Variants in ASIC2 observed in about 807,000 individuals in gnomAD.
ASIC2 encodes the protein acid sensing ion channel subunit 2.
ASIC2 carries 25 observed loss-of-function variants against 57.3 expected under a neutral mutation model. The observed-to-expected ratio is 0.44, with a 90% CI of 0.32 to 0.61. The LOEUF is 0.61. ASIC2 is among the 20% of genes least tolerant of loss of function. The pLI is 0.06. For missense variants in ASIC2, 641 were observed against 738.1 expected (o/e 0.87, Z 1.52); for synonymous variants, 319 against 307.5 (o/e 1.04, Z -0.39).
At chr17:33,420,099 C>A (rs75678463) in intron 1 of ASIC2, among the ~76,000 whole-genome samples, 13 of 152,104 alleles carry the variant, frequency 8.5e-5, no homozygotes, top group Middle Eastern at 3.2e-3. Context: ...TCATAAGCTG[C>A]GCTATATTTC....
At chr17:33,810,532 C>G (rs1223641283) in intron 1 of ASIC2, among the ~76,000 whole-genome samples, 1 of 152,148 alleles carries the variant, frequency 6.6e-6, no homozygotes, top group East Asian at 1.9e-4. Context: ...ATCTGCCCAT[C>G]TCCCTTCTCT....
At chr17:34,142,556 G>T (rs889012252) in intron 1 of ASIC2, among the ~76,000 whole-genome samples, 1 of 152,136 alleles carries the variant, frequency 6.6e-6, no homozygotes, top group East Asian at 1.9e-4. Flanking sequence ...TACAATTGTA[G>T]TGTATAATCA....
At chr17:33,457,191 G>A (rs1912479358) in intron 1 of ASIC2, among the ~76,000 whole-genome samples, 1 of 151,760 alleles carries the variant, frequency 6.6e-6, no homozygotes, top group South Asian at 2.1e-4. Flanking sequence ...CTATTTTTAG[G>A]TGTTCAATAA....
chr17:33,167,779 C>A lies in ASIC2; in HGVS notation c.709-55712G>T, dbSNP rs187813273. ...TCTACCCCATTTGACAATCCCAATC[C>A]CAAGACGTGCCTTCCTCTGCCTCTA... On this transcript the variant is annotated intron_variant, in intron 1 of 9. Transcript: ENST00000225823. 2.0e-5 allele frequency among the ~76,000 whole-genome samples: 3 copies of A among 146,658 alleles called. No homozygotes were observed. The East Asian group carries it at 5.8e-4, about 28-fold the overall frequency.
At chr17:34,106,387 A>G (rs796749342) in intron 1 of ASIC2, among the ~76,000 whole-genome samples, 2 of 152,138 alleles carry the variant, frequency 1.3e-5, no homozygotes, top group African/African-American at 4.8e-5. Flanking sequence ...GATTATTTTT[A>G]CCCATTTTTA....
chr17:33,207,224 C>T (rs1010936229), intron 1 of ASIC2, among the ~76,000 whole-genome samples: 3 of 152,168 alleles, frequency 2.0e-5, no homozygotes, highest in African/African-American at 2.4e-5. Context: ...TGGTGAACGG[C>T]GCTTTATCCT....
chr17:33,961,564 C>G (rs1337735231), intron 1 of ASIC2, among the ~76,000 whole-genome samples: 1 of 152,158 alleles, frequency 6.6e-6, no homozygotes, highest in Non-Finnish European at 1.5e-5. Flanking sequence ...CTCACAGGGG[C>G]AGCCAAAGAG....
intron 1 of ASIC2, among the ~76,000 whole-genome samples, chr17:33,251,045 G>A (rs1174433074): frequency 2.6e-5 from 4 of 152,178 alleles, no homozygotes; most frequent in Admixed American, 1.3e-4. Context: ...CAAATTCGCT[G>A]CATAGTTATA....
intron 1 of ASIC2, among the ~76,000 whole-genome samples, chr17:33,164,576 G>GCACA (rs35380225): frequency 0.023 from 3,423 of 149,828 alleles, 57 homozygotes; most frequent in African/African-American, 0.053. Context: ...GCACATGCAC[G>GCACA]CACACACACA....
intron 1 of ASIC2, among the ~76,000 whole-genome samples, chr17:33,201,870 A>G (rs1906876667): frequency 6.6e-6 from 1 of 152,050 alleles, no homozygotes; most frequent in Non-Finnish European, 1.5e-5. Context: ...TCTTTGAAAA[A>G]TTATAAAAAC....
intron 1 of ASIC2, among the ~76,000 whole-genome samples, chr17:34,130,865 G>T (rs200460155): frequency 6.6e-6 from 1 of 152,148 alleles, no homozygotes; most frequent in African/African-American, 2.4e-5. Flanking sequence ...ATTATTATAC[G>T]GCCACTCTGA....
chr17:33,575,078 G>A (rs1298237692), intron 1 of ASIC2, among the ~76,000 whole-genome samples: 41 of 152,178 alleles, frequency 2.7e-4, no homozygotes, highest in Non-Finnish European at 7.4e-5. Context: ...TATGACCAAC[G>A]CCTGGCCTCC....
In ASIC2 at chr17:33,605,268, G is replaced by A. The variant is rs556953415; in HGVS notation, c.556-493201C>T. On this transcript the variant is annotated intron_variant, in intron 1 of 9. Coordinates refer to the ASIC2 transcript ENST00000359872. ...AGAAGCGGGTCTCTGCTGCAGCGGG[G>A]AGCCCAGGAAGGAAGACCCGTCTCA... Among the ~76,000 whole-genome samples the A allele has an allele frequency of 1.4e-4, 22 of 152,362 alleles. No homozygotes were observed. In the East Asian group the frequency reaches 3.7e-3, roughly 25 times the overall value.
In ASIC2 at chr17:33,076,487, T is replaced by A. The variant is rs115764612; in HGVS notation, c.987+12376A>T. Among the ~76,000 whole-genome samples, 1,246 of 152,360 alleles carry A rather than the reference T, an allele frequency of 8.2e-3. 10 individuals carry two copies. Among genetic ancestry groups the A allele is most frequent in the African/African-American group, 0.028 (1,172 of 41,576 alleles). ...ATATGAATACATAAATTCACACTTATAAATATGCCAGGGATCCAGTAAAAA... is the reference window on the plus strand; with the variant it reads ...ATATGAATACATAAATTCACACTTAAAAATATGCCAGGGATCCAGTAAAAA... On this transcript the variant is annotated intron_variant, in intron 3 of 9. Coordinates refer to ENST00000225823, the MANE Select transcript of ASIC2 (RefSeq NM_183377.2).
At chr17:33,592,548 T>G (rs929653176) in intron 1 of ASIC2, among the ~76,000 whole-genome samples, 3 of 152,260 alleles carry the variant, frequency 2.0e-5, no homozygotes, top group Non-Finnish European at 4.4e-5. Context: ...ACTTTGCGAT[T>G]TACAAAGCAC....
chr17:33,493,010 G>A (rs1913809193), intron 1 of ASIC2, among the ~76,000 whole-genome samples: 1 of 152,236 alleles, frequency 6.6e-6, no homozygotes, highest in African/African-American at 2.4e-5. Context: ...GCTATAGTCA[G>A]TCAAGTTTTC....
rs759998801 is a variant in ASIC2 at position 34,156,343 on chromosome 17, C to A, written c.190G>T (p.Val64Leu). ...TGCTGGTAGGAGAAGTAGTAGGACA[C>A]CCTCTCAGAGCTCTCCACCAGCAGC... is the stretch of plus-strand genomic sequence containing the variant. Residue 64 changes from valine to leucine, a missense_variant, in exon 1 of 10, where the codon GTG becomes TTG. Transcript: ENST00000359872. The surrounding 1 kb of genome is among the most constrained non-coding windows in gnomAD (Gnocchi z 4.4). 6.8e-6 allele frequency: 11 copies of A among 1,614,110 alleles called. No homozygotes were observed. Among genetic ancestry groups the A allele is most frequent in the Admixed American group, 1.7e-5 (1 of 60,012 alleles).
chr17:33,436,515 C>T (rs985268255), intron 1 of ASIC2, among the ~76,000 whole-genome samples: 1 of 152,132 alleles, frequency 6.6e-6, no homozygotes, highest in African/African-American at 2.4e-5. Flanking sequence ...GTGGCCTCCA[C>T]CCAGAGAACG....
intron 1 of ASIC2, among the ~76,000 whole-genome samples, chr17:33,345,085 C>T (rs879554596): frequency 6.6e-6 from 1 of 152,158 alleles, no homozygotes; most frequent in Non-Finnish European, 1.5e-5. Context: ...AGAGGTCTTG[C>T]CAAGAAGGCT....
Sources: allele counts gnomAD v4.1 joint callset (sites outside exome capture counted in the v4.1 genomes callset), GRCh38; gene constraint gnomAD v4.1.1; non-coding constraint Gnocchi (gnomAD v3.1); transcripts MANE v1.5; gene names NCBI Gene and HGNC (gene_info 2026-07-23, HGNC 2026-07-21).